The following CELF2 variants were observed in gnomAD, a reference collection of about 807,000 sequenced individuals.
CELF2 encodes CUGBP Elav-like family member 2.
Under a neutral mutation model 62.6 loss-of-function variants are expected in CELF2, and 8 were observed. That is an observed-to-expected ratio of 0.13 (90% CI 0.07 to 0.23). The LOEUF is 0.23. Among genes scored for constraint, CELF2 ranks in the 10% least tolerant of loss-of-function variants. The pLI is 1.00. For missense variants in CELF2, 333 were observed against 671.0 expected, an observed-to-expected ratio of 0.50 and a Z score of 5.56; for synonymous variants, 258 against 250.0, an observed-to-expected ratio of 1.03 and a Z score of -0.30.
At chr10:11,239,789 T>G (rs914547942) in intron 3 of CELF2, among the ~76,000 whole-genome samples, 1 of 152,008 alleles carries the variant, frequency 6.6e-6, no homozygotes, top group Non-Finnish European at 1.5e-5. Flanking sequence ...CAAGGCACAG[T>G]GGGTCGTGCC....
chr10:11,007,351 G>A (rs953829690), intron 1 of CELF2, among the ~76,000 whole-genome samples: 12 of 152,106 alleles, frequency 7.9e-5, no homozygotes, highest in Non-Finnish European at 1.6e-4. Context: ...GAATTTGGAC[G>A]TGAATTTCAG....
intron 2 of CELF2, among the ~76,000 whole-genome samples, chr10:10,950,288 C>T (rs1009752931): frequency 3.3e-5 from 5 of 151,896 alleles, no homozygotes; most frequent in South Asian, 2.1e-4. Flanking sequence ...TGTCTGAGGA[C>T]GGGAGGTGCA....
chr10:10,536,953 G>C, the CELF2 span, among the ~76,000 whole-genome samples: 1 of 152,232 alleles, frequency 6.6e-6, no homozygotes, highest in East Asian at 1.9e-4. Context: ...GCTGGGGCAA[G>C]AGGAGGCTTG....
the CELF2 span, among the ~76,000 whole-genome samples, chr10:10,669,436 C>T: frequency 5.3e-5 from 8 of 152,214 alleles, no homozygotes; most frequent in Admixed American, 5.2e-4. Context: ...CATTACAGAA[C>T]TGGAGAGCAG....
rs2053894081 is a variant in CELF2 at position 10,995,851 on chromosome 10, A to C, written c.89+75852A>C. Among the ~76,000 whole-genome samples the C allele has an allele frequency of 6.6e-6, 1 of 152,154 alleles. No homozygotes were observed. The highest frequency in any genetic ancestry group is 2.4e-5 in the African/African-American group (1 of 41,434). ...CAGATTCTCGTCTCTCTGACAATGT[A>C]AACTCATGGGCATTCTAGTTTCTAT... is the stretch of plus-strand genomic sequence containing the variant. On this transcript the variant is annotated intron_variant, in intron 2 of 13. Transcript: ENST00000636488. The surrounding 1 kb of genome is among the most constrained non-coding windows in gnomAD (Gnocchi z 4.7).
the CELF2 span, among the ~76,000 whole-genome samples, chr10:10,506,269 C>CGTGTGTGTGTGTGTGTGTGTGT: frequency 1.7e-4 from 25 of 146,814 alleles, no homozygotes; most frequent in African/African-American, 6.3e-4. Context: ...AGATGCACTT[C>CGTGTGTGTGTGTGTGTGTGTGT]GTGTGTGTGT....
At chr10:10,814,643 G>A (rs1479207784) in intron 1 of CELF2, among the ~76,000 whole-genome samples, 1 of 152,134 alleles carries the variant, frequency 6.6e-6, no homozygotes, top group African/African-American at 2.4e-5. Context: ...TTAAGATTTT[G>A]AGCTGGCCCT....
intron 10 of CELF2, chr10:11,317,667 T>G (rs1397813183): frequency 2.6e-5 from 4 of 152,208 alleles, no homozygotes; most frequent in Non-Finnish European, 5.9e-5. Context: ...ATCTCCTTAG[T>G]CCCCCAACAA....
At chr10:11,030,364 GA>G (rs1254545312) in intron 1 of CELF2, 1 of 152,190 alleles carries the variant, frequency 6.6e-6, no homozygotes, top group African/African-American at 2.4e-5. Context: ...CTGAAAACTC[GA>G]AAATGTACCT....
At chr10:10,907,471 A>T (rs1394487271) in intron 1 of CELF2, among the ~76,000 whole-genome samples, 3 of 152,244 alleles carry the variant, frequency 2.0e-5, no homozygotes, top group Non-Finnish European at 1.5e-5. Context: ...GTTCTTAATT[A>T]TAGCTAACTG....
At chr10:10,849,539 T>G (rs1441123875) in intron 1 of CELF2, among the ~76,000 whole-genome samples, 1 of 152,210 alleles carries the variant, frequency 6.6e-6, no homozygotes, top group Non-Finnish European at 1.5e-5. Flanking sequence ...ACCTTCTGAA[T>G]CATTTGAGAC....
intron 1 of CELF2, among the ~76,000 whole-genome samples, chr10:11,041,684 T>C (rs1400490754): frequency 6.6e-6 from 1 of 152,222 alleles, no homozygotes; most frequent in Non-Finnish European, 1.5e-5. Flanking sequence ...ACCATTTTCC[T>C]GTGACAGTTA....
At chr10:10,816,701 T>A (rs2056491368) in intron 1 of CELF2, among the ~76,000 whole-genome samples, 1 of 152,254 alleles carries the variant, frequency 6.6e-6, no homozygotes, top group Admixed American at 6.5e-5. Flanking sequence ...TTACTCAAGC[T>A]AATCATATGG....
At position 11,333,169 on chromosome 10, in the gene CELF2, ATCGAG is replaced by A. The variant is rs2132978105; in HGVS notation, c.*4118_*4122del. On this transcript the variant is annotated 3_prime_UTR_variant, in exon 13 of 13. Transcript: ENST00000633077. ...AGGAGGCTCAGGACGCGCCCTCTGA[ATCGAG>A]TGTTTCTTCTTCACAAGTCACCAAG... 1 of 152,358 alleles carries A rather than the reference ATCGAG, an allele frequency of 6.6e-6. No individual in the cohort carries two copies. The highest frequency in any genetic ancestry group is 1.9e-4 in the East Asian group (1 of 5,178). The allele number at this position is 152,358 out of a possible 1,614,324, so 9.4% of individuals were successfully genotyped here.
intron 1 of CELF2, among the ~76,000 whole-genome samples, chr10:10,854,473 G>C (rs11256873): frequency 0.015 from 2,348 of 152,280 alleles, 75 homozygotes; most frequent in African/African-American, 0.054. Flanking sequence ...AAGGTCACAG[G>C]TAAGACAGGG....
rs566323097 is a variant in CELF2, at chr10:11,185,769, A to G, written c.271+20087A>G. On this transcript the variant is annotated intron_variant, in intron 2 of 12. Transcript: ENST00000633077. ...CTCAAATTTTGTTTAGAATTTTTAC[A>G]TCTGTGTTCGGGAAGAATATTTTTC... is the stretch of plus-strand genomic sequence containing the variant. Among the ~76,000 whole-genome samples, 5 of 152,252 alleles carry G rather than the reference A, an allele frequency of 3.3e-5. No homozygotes were observed. In the South Asian group the frequency reaches 1.0e-3, roughly 32 times the overall value.
At chr10:10,495,345 A>G in the CELF2 span, among the ~76,000 whole-genome samples, 1 of 152,320 alleles carries the variant, frequency 6.6e-6, no homozygotes, top group East Asian at 1.9e-4. Flanking sequence ...GGAACATTAA[A>G]CAGCTGTGAG....
rs1265342011 is a variant in CELF2, at chr10:11,316,733, C to G, written c.1096+2475C>G. On this transcript the variant is annotated intron_variant, in intron 10 of 12. Coordinates refer to ENST00000633077, the MANE Select transcript of CELF2 (RefSeq NM_001326342.2). The surrounding 1 kb of genome is among the most constrained non-coding windows in gnomAD (Gnocchi z 4.4). Reference sequence around the variant, plus strand: ...TCAGCAAGAAAGCAGGTAGATGACTCACCAGAGCCAACATTTTACCCTCTT... The same window carrying G: ...TCAGCAAGAAAGCAGGTAGATGACTGACCAGAGCCAACATTTTACCCTCTT... 2.0e-5 allele frequency: 3 copies of G among 152,206 alleles called. No individual in the cohort carries two copies. The highest frequency in any genetic ancestry group is 2.9e-5 in the Non-Finnish European group (2 of 68,052). 9.4% of individuals were successfully genotyped at this position (152,206 alleles called of 1,614,324 possible). A position where few individuals can be genotyped will look rare whatever the true frequency, so the allele number is the denominator to read the frequency against.
At chr10:10,528,178 TGTGA>T in the CELF2 span, among the ~76,000 whole-genome samples, 1 of 143,776 alleles carries the variant, frequency 7.0e-6, no homozygotes, top group African/African-American at 2.5e-5. Flanking sequence ...TGTGTGTGTG[TGTGA>T]TTGTCATAAA....
Sources: gnomAD v4.1 joint callset for allele counts (sites outside exome capture counted in the v4.1 genomes callset) on GRCh38, gnomAD v4.1.1 for gene constraint, Gnocchi (gnomAD v3.1) non-coding constraint, MANE v1.5 for transcripts, NCBI Gene and HGNC (gene_info 2026-07-23, HGNC 2026-07-21) for gene names.